NCAN: variants seen among roughly 807,000 people sequenced by gnomAD.
NCAN encodes the protein neurocan core protein.
Under a neutral mutation model 121.8 loss-of-function variants are expected in NCAN, and 47 were observed. The observed-to-expected ratio is 0.39, with a 90% CI of 0.31 to 0.49. The LOEUF (loss-of-function observed/expected upper bound fraction) is 0.49, where lower values mean the gene tolerates loss of function less well. NCAN is among the 20% of genes least tolerant of loss of function. The pLI is 0.92. For synonymous variants in NCAN, 633 were observed against 702.0 expected (o/e 0.90, Z 1.55); for missense variants, 1,517 against 1,773.4 (o/e 0.86, Z 2.60).
chr19:19,248,948 C>T, intron 14 of NCAN, 66 bp downstream of exon 14: 1 of 1,534,580 alleles, frequency 6.5e-7, no homozygotes, highest in Admixed American at 1.7e-5. Flanking sequence ...AGTAAGACAT[C>T]CTATTTCTCC....
chr19:19,227,136 C>G lies in NCAN; in HGVS notation c.1660+63C>G. ...TCTGGAGGTGAGGGTAGAGAGGTAGCCATGGCTACACTCAGAATGAGGGAG... is the reference window on the plus strand; with the variant it reads ...TCTGGAGGTGAGGGTAGAGAGGTAGGCATGGCTACACTCAGAATGAGGGAG... On this transcript the variant is annotated intron_variant, in intron 7 of 14. Transcript: ENST00000252575. The surrounding 1 kb of genome is among the most constrained non-coding windows in gnomAD (Gnocchi z 4.2). 6.7e-7 allele frequency: 1 copy of G among 1,491,946 alleles called. No individual in the cohort carries two copies. The highest frequency in any genetic ancestry group is 8.9e-7 in the Non-Finnish European group (1 of 1,121,910). The allele number at this position is 1,491,946 out of a possible 1,614,324, so 92.4% of individuals were successfully genotyped here.
intron 10 of NCAN, 30 bp from the exon 11 acceptor site, chr19:19,238,223 C>A (rs748386628): frequency 1.2e-5 from 20 of 1,613,286 alleles, no homozygotes; most frequent in African/African-American, 4.0e-5. Flanking sequence ...CAAGGCCAGC[C>A]CCCCCTCACG....
At chr19:19,214,448 T>TG (rs1568592410) in intron 1 of NCAN, among the ~76,000 whole-genome samples, 2 of 151,634 alleles carry the variant, frequency 1.3e-5, no homozygotes, top group Non-Finnish European at 2.9e-5. Context: ...AGGGTGTGTG[T>TG]GGGGGGTGTG....
At chr19:19,232,756 T>G (rs1443202709) in intron 8 of NCAN, 1 of 152,164 alleles carries the variant, frequency 6.6e-6, no homozygotes, top group African/African-American at 2.4e-5. Context: ...TTTAATTGAT[T>G]TAAGCGTGAA....
intron 8 of NCAN, among the ~76,000 whole-genome samples, chr19:19,230,432 C>A (rs1488000375): frequency 1.8e-5 from 2 of 110,768 alleles, no homozygotes; most frequent in African/African-American, 7.0e-5. Flanking sequence ...TAGAAAGGGT[C>A]TCACTCTGTC....
At chr19:19,217,054 T>C (rs763608831) in intron 2 of NCAN, 28 bp downstream of exon 2, 7 of 1,308,182 alleles carry the variant, frequency 5.4e-6, no homozygotes, top group Non-Finnish European at 6.9e-6. Context: ...GAGGGAGAGA[T>C]TGGGGTCTAG....
intron 3 of NCAN, among the ~76,000 whole-genome samples, chr19:19,222,077 G>A (rs1198135467): frequency 6.6e-6 from 1 of 151,980 alleles, no homozygotes; most frequent in Non-Finnish European, 1.5e-5. Flanking sequence ...CTGTCTTGGG[G>A]CTTAACCTGC....
intron 14 of NCAN, among the ~76,000 whole-genome samples, chr19:19,249,472 A>T (rs1244748298): frequency 1.3e-5 from 2 of 152,060 alleles, no homozygotes; most frequent in Non-Finnish European, 2.9e-5. Flanking sequence ...GTCTCAAGGG[A>T]TCCTCCAAAC....
chr19:19,220,450 C>CTTTTTTTTTT (rs71170607), intron 3 of NCAN, among the ~76,000 whole-genome samples: 6 of 72,696 alleles, frequency 8.3e-5, no homozygotes, highest in African/African-American at 1.2e-4. Flanking sequence ...TTAGGCAATT[C>CTTTTTTTTTT]TTTTTTTTTT....
chr19:19,219,118 A>G lies in NCAN; in HGVS notation c.277A>G (p.Ile93Val), dbSNP rs761409254. Residue 93 changes from isoleucine to valine, a missense_variant, in exon 3 of 15, where the codon ATC (isoleucine) becomes GTC (valine). Coordinates refer to ENST00000252575, the MANE Select transcript of NCAN (RefSeq NM_004386.3). ...GTCGGGCCAGCGACAGGACTTGCCC[A>G]TCCTGGTGGCCAAGGACAATGTCGT... ...TASGQRQDLP[I>V]LVAKDNVVRV... is the part of the protein sequence containing the mutation. The G allele has an allele frequency of 1.2e-6, 2 of 1,613,502 alleles. No individual in the cohort carries two copies. The highest frequency in any genetic ancestry group is 1.7e-6 in the Non-Finnish European group (2 of 1,179,646).
chr19:19,226,349 A>C, intron 6 of NCAN, 137 bp from the exon 7 acceptor site: 7 of 667,192 alleles, frequency 1.0e-5, no homozygotes, highest in East Asian at 5.7e-5. Context: ...GGCTGGGGGA[A>C]TCTCAGAAAC....
In NCAN at chr19:19,250,166, T is replaced by G. The variant is rs1368347221; in HGVS notation, c.*255T>G. On this transcript the variant is annotated 3_prime_UTR_variant, in exon 15 of 15. Transcript: ENST00000252575. ...CTGAACTCTGGGAGTGTGTCCCAGC[T>G]GAGGGAAGCACAAGTAGCAAAGCTC... 3.1e-6 allele frequency: 2 copies of G among 645,866 alleles called. No homozygotes were observed. The highest frequency in any genetic ancestry group is 5.7e-6 in the Non-Finnish European group (2 of 348,748). 40.0% of individuals were successfully genotyped at this position (645,866 alleles called of 1,614,324 possible). A position where few individuals can be genotyped will look rare whatever the true frequency, so the allele number is the denominator to read the frequency against.
chr19:19,223,211 T>C (rs2060823228), intron 3 of NCAN, among the ~76,000 whole-genome samples: 1 of 152,182 alleles, frequency 6.6e-6, no homozygotes, highest in Non-Finnish European at 1.5e-5. Flanking sequence ...TATTAGCGCA[T>C]GCACTTAATT....
Position 19,212,011 on chromosome 19 carries a change from C to A in NCAN, c.-61C>A. On this transcript the variant is annotated 5_prime_UTR_variant, in exon 1 of 15. Transcript: ENST00000252575. This position sits in a 1 kb window ranked among gnomAD's most constrained non-coding sequence, Gnocchi z 4.5. ...GCGCGGAGCTGGCTGAGTCGGAGCG[C>A]AGCGTCCTTTGTGCCCGGCGGCCGC... 1 of 216,198 alleles carries A rather than the reference C, an allele frequency of 4.6e-6. No individual in the cohort carries two copies. The highest frequency in any genetic ancestry group is 9.9e-6 in the Non-Finnish European group (1 of 101,380). The allele number at this position is 216,198 out of a possible 1,614,324, so 13.4% of individuals were successfully genotyped here.
At chr19:19,223,876 C>T in intron 3 of NCAN, 145 bp from the exon 4 acceptor site, 1 of 684,724 alleles carries the variant, frequency 1.5e-6, no homozygotes, top group Non-Finnish European at 2.1e-6. Context: ...ATGGATCTTG[C>T]TCCCCACCCT....
At chr19:19,239,828 T>C in intron 11 of NCAN, among the ~76,000 whole-genome samples, 2 of 102,104 alleles carry the variant, frequency 2.0e-5, no homozygotes, top group African/African-American at 7.9e-5. Context: ...CCCATTCATC[T>C]CCCACTCTTC....
chr19:19,233,703 G>A, intron 8 of NCAN, 86 bp from the exon 9 acceptor site: 1 of 814,130 alleles, frequency 1.2e-6, no homozygotes, highest in South Asian at 1.4e-5. Flanking sequence ...TTTGATTAGA[G>A]TGGTTTGGGG....
rs377722654 is a variant in NCAN, at chr19:19,227,100, C to T, written c.1660+27C>T. On this transcript the variant is annotated intron_variant, in intron 7 of 14. Coordinates refer to ENST00000252575, the MANE Select transcript of NCAN (RefSeq NM_004386.3). The surrounding 1 kb of genome is among the most constrained non-coding windows in gnomAD (Gnocchi z 4.2). ...TGAGTTGCTCTGGGGGAGGCGGGAC[C>T]TACCTGGGGATCTGGAGGTGAGGGT... 1.1e-5 allele frequency: 17 copies of T among 1,502,940 alleles called. No homozygotes were observed. In the African/African-American group the frequency reaches 2.4e-4, roughly 21 times the overall value. The allele number at this position is 1,502,940 out of a possible 1,614,324, so 93.1% of individuals were successfully genotyped here.
intron 12 of NCAN, among the ~76,000 whole-genome samples, chr19:19,244,616 C>T (rs1429917359): frequency 1.3e-5 from 2 of 149,526 alleles, no homozygotes; most frequent in Admixed American, 1.3e-4. Flanking sequence ...GCCTTGAATC[C>T]TTACTATCTT....
Sources: gnomAD v4.1 joint callset for allele counts (sites outside exome capture counted in the v4.1 genomes callset) on GRCh38, gnomAD v4.1.1 for gene constraint, Gnocchi (gnomAD v3.1) non-coding constraint, MANE v1.5 for transcripts, NCBI Gene and HGNC (gene_info 2026-07-23, HGNC 2026-07-21) for gene names.